SPRING1: variants seen among roughly 807,000 people sequenced by gnomAD.
SPRING1 encodes the protein SREBF pathway regulator in golgi 1.
Under a neutral mutation model 24.7 loss-of-function variants are expected in SPRING1, and 14 were observed. That is an observed-to-expected ratio of 0.57 (90% CI 0.37 to 0.88). The LOEUF (loss-of-function observed/expected upper bound fraction) is 0.88. Among genes scored for constraint, SPRING1 ranks in the 40% least tolerant of loss-of-function variants. The pLI is 0.00. For missense variants in SPRING1, 255 were observed against 268.4 expected (o/e 0.95, Z 0.35); for synonymous variants, 93 against 106.1 (o/e 0.88, Z 0.76).
intron 1 of SPRING1, among the ~76,000 whole-genome samples, chr12:116,729,032 T>C (rs1422819295): frequency 6.6e-6 from 1 of 152,226 alleles, no homozygotes; most frequent in Non-Finnish European, 1.5e-5. Context: ...AGATCGTTTT[T>C]ATTCATTTAA....
In SPRING1 at chr12:116,717,921, A is replaced by G. The variant is rs370448920; in HGVS notation, c.535-28T>C. 2,270 of 1,544,946 alleles carry G rather than the reference A, an allele frequency of 1.5e-3. 55 individuals carry two copies. The South Asian group carries it at 0.026, about 17-fold the overall frequency. On this transcript the variant is annotated intron_variant, in intron 4 of 4. Coordinates refer to ENST00000261318, the MANE Select transcript of SPRING1 (RefSeq NM_024738.4). The surrounding 1 kb of genome is among the most constrained non-coding windows in gnomAD (Gnocchi z 4.2). ...GTTGGCAAAAGGAAAATAAGAGCGC[A>G]GTGAGAGCGAGCACAGCTTCACACA...
At position 116,728,482 on chromosome 12, in the gene SPRING1, T is replaced by C; in HGVS notation, c.112-5259A>G. ...TCAATGGCATCCCCACCATCATCAC[T>C]GATTTCTTCTGCCTCCCATCTCTAC... On this transcript the variant is annotated intron_variant, in intron 1 of 4. Coordinates refer to ENST00000261318, the MANE Select transcript of SPRING1 (RefSeq NM_024738.4). The surrounding 1 kb of genome is among the most constrained non-coding windows in gnomAD (Gnocchi z 4.2). Among the ~76,000 whole-genome samples the C allele has an allele frequency of 6.6e-6, 1 of 152,170 alleles. No individual in the cohort carries two copies. Among genetic ancestry groups the C allele is most frequent in the African/African-American group, 2.4e-5 (1 of 41,444 alleles).
intron 1 of SPRING1, among the ~76,000 whole-genome samples, chr12:116,735,471 C>T (rs571259586): frequency 1.3e-5 from 2 of 152,298 alleles, no homozygotes; most frequent in Admixed American, 6.5e-5. Context: ...GTGGCTGACA[C>T]CTGTAATCCC....
At position 116,719,780 on chromosome 12, in the gene SPRING1, ATTTGGC is replaced by A. The variant is rs761804514; in HGVS notation, c.511_516del (p.Ala171_Lys172del). 2.8e-5 allele frequency: 46 copies of A among 1,614,158 alleles called. No homozygotes were observed. The highest frequency in any genetic ancestry group is 3.8e-5 in the Non-Finnish European group (45 of 1,179,994). On this transcript the variant is annotated inframe_deletion, in exon 4 of 5. Transcript: ENST00000261318. Reference sequence around the variant, plus strand: ...CTTCTGACCTGAGATGAGGTCCTGCATTTGGCCAGGCACAACTCAAAGTGATCTTCG... The same window carrying A: ...CTTCTGACCTGAGATGAGGTCCTGCACAGGCACAACTCAAAGTGATCTTCG...
intron 1 of SPRING1, 61 bp downstream of exon 1, chr12:116,737,729 A>G: frequency 1.5e-6 from 2 of 1,370,068 alleles, no homozygotes; most frequent in South Asian, 2.8e-5. Context: ...AGGAGAAAGT[A>G]AAGTAAGGGG....
At chr12:116,731,155 AC>A (rs1315799949) in intron 1 of SPRING1, among the ~76,000 whole-genome samples, 1 of 152,190 alleles carries the variant, frequency 6.6e-6, no homozygotes, top group Admixed American at 6.5e-5. Context: ...AATAATTTTG[AC>A]TGCTTTATTC....
chr12:116,723,207 C>G lies in SPRING1; in HGVS notation c.128G>C (p.Arg43Thr). 1 of 1,614,142 alleles carries G rather than the reference C, an allele frequency of 6.2e-7. No homozygotes were observed. Among genetic ancestry groups the G allele is most frequent in the Non-Finnish European group, 8.5e-7 (1 of 1,180,038 alleles). ...STFKQEERAV[R>T]DRNLLQVHDH... is the part of the protein sequence containing the mutation. Reference sequence around the variant, plus strand: ...ATGAACCTGGAGGAGATTCCTATCTCTCACTGCCCTCTCCTCCTGCAAAGA... The same window carrying G: ...ATGAACCTGGAGGAGATTCCTATCTGTCACTGCCCTCTCCTCCTGCAAAGA... Residue 43 changes from arginine to threonine, a missense_variant, in exon 2 of 5, where the codon AGA becomes ACA. By Grantham distance (71) the Arg-to-Thr change is moderately conservative. Transcript: ENST00000261318.
intron 1 of SPRING1, among the ~76,000 whole-genome samples, chr12:116,731,617 G>T (rs75091980): frequency 0.06 from 9,128 of 152,178 alleles, 393 homozygotes; most frequent in Middle Eastern, 0.12. Context: ...GGGTGTGGTT[G>T]CCCACGCCTG....
chr12:116,723,261 G>A (rs773101225), intron 1 of SPRING1, 38 bp from the exon 2 acceptor site: 2 of 1,604,762 alleles, frequency 1.2e-6, no homozygotes, highest in African/African-American at 1.3e-5. Context: ...TAAGTATCCA[G>A]TATCCTTTCT....
In SPRING1 at chr12:116,715,510, C is replaced by T. The variant is rs1435297275; in HGVS notation, c.*2300G>A. The T allele has an allele frequency of 6.6e-6, 1 of 152,194 alleles. No individual in the cohort carries two copies. The highest frequency in any genetic ancestry group is 2.1e-4 in the South Asian group (1 of 4,832). 9.4% of individuals were successfully genotyped at this position (152,194 alleles called of 1,614,324 possible). A position where few individuals can be genotyped will look rare whatever the true frequency, so the allele number is the denominator to read the frequency against. On this transcript the variant is annotated 3_prime_UTR_variant, in exon 5 of 5. Coordinates refer to ENST00000261318, the MANE Select transcript of SPRING1 (RefSeq NM_024738.4). ...TGAATTTCCAAAAACAGTGAACACA[C>T]CCCTAGCTGATTGAAATACAAAAAA...
intron 1 of SPRING1, among the ~76,000 whole-genome samples, chr12:116,732,328 C>A (rs1871014694): frequency 6.6e-6 from 1 of 152,206 alleles, no homozygotes; most frequent in African/African-American, 2.4e-5. Flanking sequence ...GTAATCCCAG[C>A]ACTTTGGGAG....
In SPRING1 at chr12:116,712,140, G is replaced by C. The variant is rs577555912; in HGVS notation, c.*5670C>G. 7.8e-4 allele frequency: 119 copies of C among 152,220 alleles called. 1 individual carries two copies. The highest frequency in any genetic ancestry group is 2.8e-3 in the African/African-American group (115 of 41,530). The allele number at this position is 152,220 out of a possible 1,614,324, so 9.4% of individuals were successfully genotyped here. On this transcript the variant is annotated 3_prime_UTR_variant, in exon 5 of 5. Transcript: ENST00000261318. ...TGAGAAAAAATAAACCTGGACTCTT[G>C]GTAAAATATTTGAATAATTAACTGC...
intron 1 of SPRING1, among the ~76,000 whole-genome samples, chr12:116,723,661 A>G (rs1226375347): frequency 6.6e-6 from 1 of 152,244 alleles, no homozygotes; most frequent in Non-Finnish European, 1.5e-5. Context: ...CTCTCATCTC[A>G]GACATCTAGA....
rs1340168608 is a variant in SPRING1, at chr12:116,728,869, C to CT, written c.112-5647_112-5646insA. Among the ~76,000 whole-genome samples, 1 of 152,204 alleles carries CT rather than the reference C, an allele frequency of 6.6e-6. No individual in the cohort carries two copies. ...ATGCAGGAGCGCCTCTGCCAGAGCA[C>CT]CCAGGACAGCGGGGCTCAAAAGCCT... On this transcript the variant is annotated intron_variant, in intron 1 of 4. Coordinates refer to ENST00000261318, the MANE Select transcript of SPRING1 (RefSeq NM_024738.4). The surrounding 1 kb of genome is among the most constrained non-coding windows in gnomAD (Gnocchi z 4.2).
chr12:116,717,614 G>A lies in SPRING1; in HGVS notation c.*196C>T. 1.9e-6 allele frequency: 1 copy of A among 515,104 alleles called. No individual in the cohort carries two copies. The highest frequency in any genetic ancestry group is 3.4e-6 in the Non-Finnish European group (1 of 290,284). 31.9% of individuals were successfully genotyped at this position (515,104 alleles called of 1,614,324 possible). A position where few individuals can be genotyped will look rare whatever the true frequency, so the allele number is the denominator to read the frequency against. ...GCTGGAGGGGCCAAGCTGCTTTACA[G>A]AAGAGTTCCATCTGGTAAGCCCGGG... On this transcript the variant is annotated 3_prime_UTR_variant, in exon 5 of 5. Coordinates refer to ENST00000261318, the MANE Select transcript of SPRING1 (RefSeq NM_024738.4). The surrounding 1 kb of genome is among the most constrained non-coding windows in gnomAD (Gnocchi z 4.2).
intron 1 of SPRING1, among the ~76,000 whole-genome samples, chr12:116,729,814 G>T (rs1054210819): frequency 3.4e-4 from 52 of 152,204 alleles, no homozygotes; most frequent in African/African-American, 1.2e-3. Context: ...GGACTGAGGG[G>T]CAGGGGGAAG....
rs1870062339 is a variant in SPRING1, at chr12:116,715,113, T to C, written c.*2697A>G. The C allele has an allele frequency of 6.6e-6, 1 of 152,062 alleles. No homozygotes were observed. The highest frequency in any genetic ancestry group is 1.5e-5 in the Non-Finnish European group (1 of 68,038). 9.4% of individuals were successfully genotyped at this position (152,062 alleles called of 1,614,324 possible). On this transcript the variant is annotated 3_prime_UTR_variant, in exon 5 of 5. Transcript: ENST00000261318. ...CCACACCCGGCTAATTTTTGTATTT[T>C]TAGTATAGATGGGGTTTCACCATAT... is the stretch of plus-strand genomic sequence containing the variant.
intron 1 of SPRING1, among the ~76,000 whole-genome samples, chr12:116,725,719 A>G (rs1344490253): frequency 2.0e-5 from 3 of 152,204 alleles, no homozygotes; most frequent in Non-Finnish European, 4.4e-5. Context: ...CCCCGTCTCT[A>G]CTAAAAATAC....
chr12:116,723,978 T>C (rs1226908648), intron 1 of SPRING1, among the ~76,000 whole-genome samples: 1 of 152,156 alleles, frequency 6.6e-6, no homozygotes, highest in Non-Finnish European at 1.5e-5. Flanking sequence ...TTCTATACTG[T>C]TATAATCTTT....
Sources: allele counts gnomAD v4.1 joint callset (sites outside exome capture counted in the v4.1 genomes callset), GRCh38; gene constraint gnomAD v4.1.1; non-coding constraint Gnocchi (gnomAD v3.1); transcripts MANE v1.5; gene names NCBI Gene and HGNC (gene_info 2026-07-23, HGNC 2026-07-21).